The following EVA1C variants were observed in gnomAD, a reference collection of about 807,000 sequenced individuals.
EVA1C encodes eva-1 homolog C, also known as protein eva-1 homolog C.
In EVA1C, 25 loss-of-function variants were observed where a neutral mutation model predicts 45.4. That is an observed-to-expected ratio of 0.55 (90% CI 0.40 to 0.77). EVA1C has a LOEUF of 0.77. Among genes scored for constraint, EVA1C ranks in the 30% least tolerant of loss-of-function variants. The pLI is 0.00. For synonymous variants in EVA1C, 190 were observed against 221.2 expected (o/e 0.86, Z 1.25); for missense variants, 479 against 554.8 (o/e 0.86, Z 1.37).
At chr21:32,500,740 C>T (rs1163233473) in intron 5 of EVA1C, among the ~76,000 whole-genome samples, 3 of 150,908 alleles carry the variant, frequency 2.0e-5, no homozygotes, top group Admixed American at 6.6e-5. Context: ...TGTGTGTGTG[C>T]GTGGTTGGCT....
chr21:32,468,688 T>A (rs1376372586), intron 4 of EVA1C, among the ~76,000 whole-genome samples: 2 of 152,032 alleles, frequency 1.3e-5, no homozygotes, highest in African/African-American at 4.8e-5. Flanking sequence ...GCTAGGGCAG[T>A]CTCTCCTTTT....
chr21:32,424,269 G>T (rs1322796430), intron 1 of EVA1C, among the ~76,000 whole-genome samples: 1 of 152,112 alleles, frequency 6.6e-6, no homozygotes, highest in East Asian at 1.9e-4. Context: ...CTCAGGCTTA[G>T]AAATCATAAA....
At chr21:32,512,596 A>G (rs1448202645) in intron 7 of EVA1C, among the ~76,000 whole-genome samples, 37 of 152,098 alleles carry the variant, frequency 2.4e-4, no homozygotes, top group Non-Finnish European at 2.9e-5. Flanking sequence ...ACGGATGACC[A>G]TTGTACCTCA....
rs561291576 is a variant in EVA1C at position 32,472,900 on chromosome 21, C to T, written c.634+5052C>T. 3.9e-5 allele frequency among the ~76,000 whole-genome samples: 6 copies of T among 152,364 alleles called. No homozygotes were observed. In the South Asian group the frequency reaches 8.3e-4, roughly 21 times the overall value. ...CTCCCTCACAATCAAGCACTTGCGT[C>T]CATTGCCCTTGGTGTACGTGCAAGG... On this transcript the variant is annotated intron_variant, in intron 4 of 7. Transcript: ENST00000300255.
At chr21:32,504,653 C>T (rs61138383) in intron 7 of EVA1C, among the ~76,000 whole-genome samples, 6,810 of 152,288 alleles carry the variant, frequency 0.045, 169 homozygotes, top group Middle Eastern at 0.15. Context: ...ATGCCATCTG[C>T]AAGTTTCAGC....
intron 4 of EVA1C, among the ~76,000 whole-genome samples, chr21:32,490,072 G>A (rs1274858309): frequency 2.0e-5 from 3 of 152,080 alleles, no homozygotes; most frequent in African/African-American, 7.2e-5. Context: ...CCAAAGTGCT[G>A]GGATTACAGA....
intron 7 of EVA1C, among the ~76,000 whole-genome samples, chr21:32,507,131 C>T (rs1256503400): frequency 6.6e-6 from 1 of 152,192 alleles, no homozygotes; most frequent in Non-Finnish European, 1.5e-5. Context: ...GCAGAAGGGA[C>T]AGGAGGATGT....
chr21:32,471,686 C>T (rs1364133298), intron 4 of EVA1C, among the ~76,000 whole-genome samples: 3 of 149,888 alleles, frequency 2.0e-5, no homozygotes, highest in Non-Finnish European at 4.4e-5. Context: ...TAGAGTGCAG[C>T]GGTGCGATCT....
intron 4 of EVA1C, among the ~76,000 whole-genome samples, chr21:32,469,061 T>C (rs2036283273): frequency 6.6e-6 from 1 of 152,210 alleles, no homozygotes; most frequent in Admixed American, 6.5e-5. Context: ...CCTCAGTTGT[T>C]CCGTCATTCC....
At chr21:32,427,141 T>G (rs1226579471) in intron 1 of EVA1C, among the ~76,000 whole-genome samples, 1 of 152,152 alleles carries the variant, frequency 6.6e-6, no homozygotes, top group African/African-American at 2.4e-5. Context: ...CAGCTCAGAT[T>G]AAAAAACTGA....
chr21:32,488,470 T>A (rs1168735049), intron 4 of EVA1C, among the ~76,000 whole-genome samples: 1 of 152,216 alleles, frequency 6.6e-6, no homozygotes, highest in Non-Finnish European at 1.5e-5. Flanking sequence ...ACTTGTTATT[T>A]CTTGTCTTTT....
At chr21:32,459,030 C>T (rs752306668) in intron 3 of EVA1C, among the ~76,000 whole-genome samples, 5 of 152,062 alleles carry the variant, frequency 3.3e-5, no homozygotes, top group Admixed American at 6.6e-5. Context: ...GGCCCAGATA[C>T]GTCAAAGCTG....
At chr21:32,426,810 TAAAA>T (rs2034505814) in intron 1 of EVA1C, among the ~76,000 whole-genome samples, 1 of 150,882 alleles carries the variant, frequency 6.6e-6, no homozygotes, top group African/African-American at 2.5e-5. Flanking sequence ...CAACTCTACT[TAAAA>T]TATTTTTTTC....
Position 32,453,361 on chromosome 21 carries a change from G to A in EVA1C, c.210G>A (p.Gly70=), listed in dbSNP as rs2035656349. The change falls in exon 2 of 8, where the codon GGG becomes GGA. Residue 70 remains glycine, a synonymous_variant. Coordinates refer to ENST00000300255, the MANE Select transcript of EVA1C (RefSeq NM_058187.5). ...ACCACACCACCTATGCCTGTGATGG[G>A]GACTATTTGAATCTACAGTGCCCTC... ...LQNHTTYACD[G]DYLNLQCPRH... 6.2e-7 allele frequency: 1 copy of A among 1,610,504 alleles called. No individual in the cohort carries two copies. Among genetic ancestry groups the A allele is most frequent in the Non-Finnish European group, 8.5e-7 (1 of 1,178,686 alleles).
In EVA1C at chr21:32,453,465, A is replaced by G. The variant is rs1421941815; in HGVS notation, c.314A>G (p.Gln105Arg). The stretch of plus-strand genomic sequence containing the variant: ...TGTAGTTCCCAGAAGCCTGCCTCCC[A>G]GAGGGAAGACAGCTTAACCTGTGTG... ...QMCSSQKPASQREDSLTCVAA... is the reference protein window; with the variant it reads ...QMCSSQKPASRREDSLTCVAA... The change falls in exon 2 of 8, where the codon CAG becomes CGG. Residue 105 changes from glutamine to arginine, a missense_variant. This residue lies in a region of EVA1C where 366 missense variants were observed against 426.1 expected (regional missense o/e 0.86). Coordinates refer to ENST00000300255, the MANE Select transcript of EVA1C (RefSeq NM_058187.5). 6.2e-7 allele frequency: 1 copy of G among 1,611,278 alleles called. No homozygotes were observed. The highest frequency in any genetic ancestry group is 8.5e-7 in the Non-Finnish European group (1 of 1,179,232).
At chr21:32,464,487 T>G (rs2036105944) in intron 3 of EVA1C, among the ~76,000 whole-genome samples, 1 of 152,206 alleles carries the variant, frequency 6.6e-6, no homozygotes. Context: ...GTTGTTTCTC[T>G]GCTTTTGGTA....
chr21:32,425,329 C>T (rs2034448708), intron 1 of EVA1C, among the ~76,000 whole-genome samples: 1 of 91,870 alleles, frequency 1.1e-5, no homozygotes, highest in Non-Finnish European at 2.0e-5. Context: ...AGTAAGACTC[C>T]ATCTCAAAAA....
chr21:32,470,790 C>T (rs1177372203), intron 4 of EVA1C, among the ~76,000 whole-genome samples: 2 of 151,210 alleles, frequency 1.3e-5, no homozygotes, highest in Non-Finnish European at 2.9e-5. Flanking sequence ...ATGGAGTCTC[C>T]CTCTGTTGCC....
At chr21:32,492,412 C>T (rs910751206) in intron 4 of EVA1C, among the ~76,000 whole-genome samples, 10 of 152,182 alleles carry the variant, frequency 6.6e-5, no homozygotes, top group African/African-American at 2.4e-4. Flanking sequence ...GAGATCCTTT[C>T]TAGAAGGCTG....
Sources: allele counts gnomAD v4.1 joint callset (sites outside exome capture counted in the v4.1 genomes callset), GRCh38; gene constraint gnomAD v4.1.1; regional missense constraint gnomAD v4.1.1; transcripts MANE v1.5; gene names NCBI Gene and HGNC (gene_info 2026-07-23, HGNC 2026-07-21).